EHF: variants seen among roughly 807,000 people sequenced by gnomAD.
EHF encodes ESE3 transcription factor.
A neutral mutation model predicts 45.1 loss-of-function variants in EHF; 14 were observed. The ratio of observed to expected loss-of-function variants is 0.31; its 90% CI spans 0.21 to 0.49. EHF has a LOEUF of 0.49. Among genes scored for constraint, EHF ranks in the 20% least tolerant of loss-of-function variants. The probability of loss-of-function intolerance (pLI) is 0.99; values close to 1 mark genes in which losing one functional copy is unlikely to be tolerated. For missense variants in EHF, 282 were observed against 371.4 expected, an observed-to-expected ratio of 0.76 and a Z score of 1.98; for synonymous variants, 136 against 131.8, an observed-to-expected ratio of 1.03 and a Z score of -0.22.
At chr11:34,651,832 G>C (rs1240245234) in intron 6 of EHF, 27 bp downstream of exon 6, 2 of 1,604,280 alleles carry the variant, frequency 1.2e-6, no homozygotes, top group Admixed American at 1.7e-5. Flanking sequence ...TCTGAGGCTG[G>C]GTATGCCTAA....
chr11:34,656,424 A>T (rs1273553445), intron 6 of EHF, among the ~76,000 whole-genome samples: 1 of 151,790 alleles, frequency 6.6e-6, no homozygotes, highest in Non-Finnish European at 1.5e-5. Context: ...TTTTTCAATG[A>T]TCTAAATCTT....
intron 1 of EHF, among the ~76,000 whole-genome samples, chr11:34,637,210 C>T (rs1431802168): frequency 6.6e-6 from 1 of 152,084 alleles, no homozygotes; most frequent in Non-Finnish European, 1.5e-5. Context: ...GACTCTTAAA[C>T]TTTAGGGTTA....
rs1227415587 is a variant in EHF, at chr11:34,658,528, A to G, written c.608-5A>G. 2 of 1,609,540 alleles carry G rather than the reference A, an allele frequency of 1.2e-6. No homozygotes were observed. Among genetic ancestry groups the G allele is most frequent in the East Asian group, 2.2e-5 (1 of 44,814 alleles). On this transcript the variant is annotated splice_region_variant and splice_polypyrimidine_tract_variant and intron_variant, in intron 7 of 8. Transcript: ENST00000257831. ...TTAGTAACCTGCCTTTCTGCTTTTC[A>G]TCAGACCCGAGAGGGACTCACTTAT... is the stretch of plus-strand genomic sequence containing the variant.
At chr11:34,638,977 G>A (rs954799959) in intron 1 of EHF, among the ~76,000 whole-genome samples, 2 of 152,170 alleles carry the variant, frequency 1.3e-5, no homozygotes, top group African/African-American at 4.8e-5. Context: ...TTTGATGGGG[G>A]ACATGTTTGC....
In EHF at chr11:34,659,875, C is replaced by A. The variant is rs1855978199; in HGVS notation, c.*944C>A. 6.6e-6 allele frequency: 1 copy of A among 152,112 alleles called. No individual in the cohort carries two copies. Among genetic ancestry groups the A allele is most frequent in the African/African-American group, 2.4e-5 (1 of 41,406 alleles). The allele number at this position is 152,112 out of a possible 1,614,324, so 9.4% of individuals were successfully genotyped here. On this transcript the variant is annotated 3_prime_UTR_variant, in exon 9 of 9. Coordinates refer to ENST00000257831, the MANE Select transcript of EHF (RefSeq NM_012153.6). ...GCTTTCCTGTGCATTGTAAGATGTT[C>A]AGCAGTATCCACTCATGGTCTCTAA...
intron 1 of EHF, among the ~76,000 whole-genome samples, chr11:34,626,222 G>A (rs113397171): frequency 1.2e-3 from 186 of 152,194 alleles, no homozygotes; most frequent in African/African-American, 4.0e-3. Flanking sequence ...GGCTCTTGTT[G>A]GCCCAACTGT....
At chr11:34,651,511 G>A (rs770613449) in intron 4 of EHF, 31 bp from the exon 5 acceptor site, 30 of 1,551,062 alleles carry the variant, frequency 1.9e-5, no homozygotes, top group South Asian at 1.8e-4. Context: ...AAAAGAGATC[G>A]CTGACTATTC....
At chr11:34,628,346 T>A (rs956514739) in intron 1 of EHF, among the ~76,000 whole-genome samples, 1 of 152,214 alleles carries the variant, frequency 6.6e-6, no homozygotes, top group East Asian at 1.9e-4. Context: ...TTAATATAAA[T>A]TTTTTTAAAT....
intron 2 of EHF, among the ~76,000 whole-genome samples, chr11:34,643,664 A>C (rs1291876601): frequency 1.3e-5 from 2 of 152,204 alleles, no homozygotes; most frequent in Non-Finnish European, 2.9e-5. Context: ...CATGGTTGAA[A>C]GGGTGAGCAG....
At chr11:34,648,265 G>T (rs1208214325) in intron 3 of EHF, among the ~76,000 whole-genome samples, 2 of 152,112 alleles carry the variant, frequency 1.3e-5, no homozygotes. Context: ...ATGTCAGAGA[G>T]GTTAAAGGCA....
chr11:34,622,510 T>A (rs192773216), intron 1 of EHF: 7 of 611,388 alleles, frequency 1.1e-5, no homozygotes, highest in Non-Finnish European at 1.7e-5. Context: ...GGGGAAAAAT[T>A]TATTTCTAAC....
rs1854857726 is a variant in EHF at position 34,648,907 on chromosome 11, C to T, written c.344-112C>T. Reference sequence around the variant, plus strand: ...CCTCCCATAAACAAACATAGGTGACCAGGCAGTAGGATGGCAGAAGCTCTG... The same window carrying T: ...CCTCCCATAAACAAACATAGGTGACTAGGCAGTAGGATGGCAGAAGCTCTG... On this transcript the variant is annotated intron_variant, in intron 3 of 8. Coordinates refer to ENST00000257831, the MANE Select transcript of EHF (RefSeq NM_012153.6). The T allele has an allele frequency of 6.1e-6, 6 of 991,202 alleles. No homozygotes were observed. The South Asian group carries it at 1.0e-4, about 17-fold the overall frequency. 61.4% of individuals were successfully genotyped at this position (991,202 alleles called of 1,614,324 possible). A position where few individuals can be genotyped will look rare whatever the true frequency, so the allele number is the denominator to read the frequency against.
At position 34,646,482 on chromosome 11, in the gene EHF, T is replaced by G. The variant is rs1854549621; in HGVS notation, c.141T>G (p.Pro47=). 1 of 1,613,990 alleles carries G rather than the reference T, an allele frequency of 6.2e-7. No individual in the cohort carries two copies. Among genetic ancestry groups the G allele is most frequent in the Non-Finnish European group, 8.5e-7 (1 of 1,179,994 alleles). Residue 47 remains proline, a synonymous_variant, in exon 3 of 9, where the codon CCT becomes CCG. Transcript: ENST00000257831. The part of the protein sequence containing the change: ...FFGGQWHEIH[P]QYWTKYQVWE... The stretch of plus-strand genomic sequence containing the variant: ...GAGGCCAGTGGCATGAAATTCATCC[T>G]CAGTACTGGACCAAGTACCAGGTGT...
rs2134260395 is a variant in EHF, at chr11:34,662,257, C to T, written c.*3326C>T. ...ATAATTGGGATGTGAATCATTTCTTCAGTGGAATAAGAGCACAACGGCACA... is the reference window on the plus strand; with the variant it reads ...ATAATTGGGATGTGAATCATTTCTTTAGTGGAATAAGAGCACAACGGCACA... On this transcript the variant is annotated 3_prime_UTR_variant, in exon 9 of 9. Transcript: ENST00000257831. Among the ~76,000 whole-genome samples, 1 of 152,194 alleles carries T rather than the reference C, an allele frequency of 6.6e-6. No homozygotes were observed. The highest frequency in any genetic ancestry group is 2.4e-5 in the African/African-American group (1 of 41,534).
chr11:34,647,438 A>G (rs1357735680), intron 3 of EHF, among the ~76,000 whole-genome samples: 2 of 152,206 alleles, frequency 1.3e-5, no homozygotes, highest in Non-Finnish European at 2.9e-5. Flanking sequence ...ACTGACATGT[A>G]AGACCTAGTA....
chr11:34,645,773 A>T (rs1261165953), intron 2 of EHF, among the ~76,000 whole-genome samples: 1 of 152,198 alleles, frequency 6.6e-6, no homozygotes, highest in African/African-American at 2.4e-5. Flanking sequence ...TTACTTGAAG[A>T]AGAGTTAGTG....
intron 2 of EHF, among the ~76,000 whole-genome samples, chr11:34,644,182 A>C (rs1487497257): frequency 6.6e-6 from 1 of 152,158 alleles, no homozygotes; most frequent in Admixed American, 6.5e-5. Context: ...TTTGCAGATG[A>C]GATTATTCTA....
chr11:34,636,205 C>T (rs1853385277), intron 1 of EHF, among the ~76,000 whole-genome samples: 1 of 152,226 alleles, frequency 6.6e-6, no homozygotes, highest in Non-Finnish European at 1.5e-5. Flanking sequence ...CATGCTTTTC[C>T]AAGCATTTTA....
At chr11:34,656,286 G>T (rs969503096) in intron 6 of EHF, among the ~76,000 whole-genome samples, 1 of 151,988 alleles carries the variant, frequency 6.6e-6, no homozygotes, top group African/African-American at 2.4e-5. Context: ...ACTCAATGGC[G>T]CCTTTGTCAG....
Sources: allele counts gnomAD v4.1 joint callset (sites outside exome capture counted in the v4.1 genomes callset), GRCh38; gene constraint gnomAD v4.1.1; transcripts MANE v1.5; gene names NCBI Gene and HGNC (gene_info 2026-07-23, HGNC 2026-07-21).